The following SGCD variants were observed in gnomAD, a reference collection of about 807,000 sequenced individuals.
SGCD encodes sarcoglycan delta.
A neutral mutation model predicts 36.6 loss-of-function variants in SGCD; 18 were observed. The observed-to-expected ratio is 0.49, with a 90% CI of 0.34 to 0.73. The LOEUF (loss-of-function observed/expected upper bound fraction) is 0.73, where lower values mean the gene tolerates loss of function less well. Among genes scored for constraint, SGCD ranks in the 30% least tolerant of loss-of-function variants. SGCD has a pLI of 0.01. For missense variants in SGCD, 387 were observed against 346.7 expected (o/e 1.12, Z -0.92); for synonymous variants, 133 against 130.6 (o/e 1.02, Z -0.12).
intron 3 of SGCD, among the ~76,000 whole-genome samples, chr5:156,367,792 G>GGTTGT (rs1770182899): frequency 6.6e-6 from 1 of 152,184 alleles, no homozygotes; most frequent in African/African-American, 2.4e-5. Flanking sequence ...TTTCAACTGT[G>GGTTGT]GTTGTGTTGT....
chr5:156,608,441 G>C (rs149394887), intron 6 of SGCD, among the ~76,000 whole-genome samples: 40,154 of 151,976 alleles, frequency 0.26, 5,380 homozygotes, highest in East Asian at 0.31. Context: ...TTTTACATTT[G>C]CTGAGGAGAG....
chr5:156,492,120 T>C (rs1162989015), intron 3 of SGCD, among the ~76,000 whole-genome samples: 1 of 152,178 alleles, frequency 6.6e-6, no homozygotes, highest in Non-Finnish European at 1.5e-5. Flanking sequence ...GATATAGAGA[T>C]TGTGTAACAT....
At chr5:156,195,151 G>C (rs1457796688) in intron 3 of SGCD, among the ~76,000 whole-genome samples, 5 of 152,222 alleles carry the variant, frequency 3.3e-5, no homozygotes, top group East Asian at 3.9e-4. Flanking sequence ...TTATTAACTA[G>C]TTGATTAATA....
chr5:155,765,639 G>A, the SGCD span, among the ~76,000 whole-genome samples: 5 of 152,116 alleles, frequency 3.3e-5, no homozygotes, highest in African/African-American at 4.8e-5. Context: ...GGAAGTGCTG[G>A]ACCATATGCA....
intron 6 of SGCD, among the ~76,000 whole-genome samples, chr5:156,617,750 C>G (rs541192391): frequency 6.6e-6 from 1 of 152,278 alleles, no homozygotes; most frequent in Non-Finnish European, 1.5e-5. Flanking sequence ...GCCACCCAGC[C>G]CATTTCTTTA....
At position 156,333,783 on chromosome 5, in the gene SGCD, A is replaced by ATTTTTTTTTTTTTTTTTTTTTTTTTTTT. The variant is rs70984404; in HGVS notation, c.3+4214_3+4241dup. Among the ~76,000 whole-genome samples the ATTTTTTTTTTTTTTTTTTTTTTTTTTTT allele has an allele frequency of 2.5e-4, 5 of 19,966 alleles. 2 individuals carry two copies. The highest frequency in any genetic ancestry group is 4.8e-4 in the Non-Finnish European group (5 of 10,476). 13.1% of individuals were successfully genotyped at this position (19,966 alleles called of 152,430 possible). ...GTGCTTTCTTTATGTTAGAAAAGTGATTTTTTTTTTTTTTTTTTTTTTTTT... is the reference window on the plus strand; with the variant it reads ...GTGCTTTCTTTATGTTAGAAAAGTGATTTTTTTTTTTTTTTTTTTTTTTTTTTTTTTTTTTTTTTTTTTTTTTTTTTTT... On this transcript the variant is annotated intron_variant, in intron 2 of 8. Coordinates refer to ENST00000337851, the MANE Select transcript of SGCD (RefSeq NM_000337.6).
intron 3 of SGCD, among the ~76,000 whole-genome samples, chr5:156,436,212 G>A (rs778277340): frequency 1.1e-4 from 17 of 152,154 alleles, no homozygotes; most frequent in South Asian, 2.1e-4. Context: ...ACATTTAATC[G>A]GAGGGGAAGA....
intron 3 of SGCD, among the ~76,000 whole-genome samples, chr5:156,247,088 A>T (rs1455780497): frequency 6.6e-6 from 1 of 152,220 alleles, no homozygotes; most frequent in African/African-American, 2.4e-5. Context: ...GAAGATTATT[A>T]CCCTGTTGCC....
chr5:156,099,595 A>T (rs113491664), intron 1 of SGCD, among the ~76,000 whole-genome samples: 1 of 151,774 alleles, frequency 6.6e-6, no homozygotes, highest in Non-Finnish European at 1.5e-5. Flanking sequence ...TTGTATTTTT[A>T]GTAGAGACGG....
intron 3 of SGCD, among the ~76,000 whole-genome samples, chr5:156,244,584 T>G (rs1331889282): frequency 6.6e-6 from 1 of 152,208 alleles, no homozygotes; most frequent in African/African-American, 2.4e-5. Flanking sequence ...GTTTGTTTTT[T>G]AAAGTTATTT....
At chr5:155,807,385 T>C in the SGCD span, among the ~76,000 whole-genome samples, 2 of 143,860 alleles carry the variant, frequency 1.4e-5, no homozygotes, top group Non-Finnish European at 3.1e-5. Context: ...CTCCAGTGTC[T>C]CTGTGAGATT....
chr5:155,845,855 G>T, the SGCD span, among the ~76,000 whole-genome samples: 1 of 152,188 alleles, frequency 6.6e-6, no homozygotes, highest in African/African-American at 2.4e-5. Context: ...AATGCTATCT[G>T]AATTATGCTG....
At chr5:156,564,167 G>A (rs1290352978) in intron 4 of SGCD, among the ~76,000 whole-genome samples, 1 of 152,004 alleles carries the variant, frequency 6.6e-6, no homozygotes, top group Non-Finnish European at 1.5e-5. Context: ...TTTTAATTGT[G>A]GGCCAGGCGC....
intron 1 of SGCD, among the ~76,000 whole-genome samples, chr5:155,962,731 G>C (rs1422312092): frequency 6.6e-6 from 1 of 152,112 alleles, no homozygotes; most frequent in Non-Finnish European, 1.5e-5. Flanking sequence ...CTTGCACTGT[G>C]TGCACAAAAC....
intron 3 of SGCD, among the ~76,000 whole-genome samples, chr5:156,174,453 G>A (rs1002064313): frequency 1.3e-5 from 2 of 152,272 alleles, no homozygotes; most frequent in Middle Eastern, 3.4e-3. Context: ...GAGAGTAAGA[G>A]AGATTGGAAG....
chr5:156,650,532 T>C (rs1204811844), intron 7 of SGCD, among the ~76,000 whole-genome samples: 1 of 152,140 alleles, frequency 6.6e-6, no homozygotes, highest in African/African-American at 2.4e-5. Context: ...TTTGTTCCCA[T>C]CTTCATATTC....
chr5:156,508,566 C>T (rs754548262), intron 3 of SGCD, 35 bp from the exon 4 acceptor site: 1 of 1,387,984 alleles, frequency 7.2e-7, no homozygotes, highest in South Asian at 1.2e-5. Context: ...TTTGGCTAAT[C>T]ATATCTTCCT....
At chr5:156,596,565 A>G (rs2113395358) in intron 6 of SGCD, among the ~76,000 whole-genome samples, 1 of 152,222 alleles carries the variant, frequency 6.6e-6, no homozygotes, top group East Asian at 1.9e-4. Context: ...TTATCTCTGC[A>G]TTATTATTTG....
chr5:155,955,960 C>T (rs10057754), intron 1 of SGCD, among the ~76,000 whole-genome samples: 6,383 of 152,056 alleles, frequency 0.042, 174 homozygotes, highest in East Asian at 0.11. Context: ...GTAAGATTGG[C>T]GATGAGCACA....
Sources: gnomAD v4.1 joint callset for allele counts (sites outside exome capture counted in the v4.1 genomes callset) on GRCh38, gnomAD v4.1.1 for gene constraint, MANE v1.5 for transcripts, NCBI Gene and HGNC (gene_info 2026-07-23, HGNC 2026-07-21) for gene names.